Variants in LNX1 observed in about 807,000 individuals in gnomAD.
LNX1 encodes E3 ubiquitin-protein ligase LNX.
Under a neutral mutation model 68.4 loss-of-function variants are expected in LNX1, and 54 were observed. The observed-to-expected ratio is 0.79, with a 90% CI of 0.63 to 0.99. The LOEUF (loss-of-function observed/expected upper bound fraction) is 0.99. Among genes scored for constraint, LNX1 ranks in the 50% least tolerant of loss-of-function variants. The pLI, the probability that LNX1 is intolerant of heterozygous loss-of-function variation, is 0.00. For synonymous variants in LNX1, 336 were observed against 350.0 expected, an observed-to-expected ratio of 0.96 and a Z score of 0.45; for missense variants, 906 against 926.4, an observed-to-expected ratio of 0.98 and a Z score of 0.29.
At chr4:53,463,118 A>G (rs1310759416) in intron 9 of LNX1, among the ~76,000 whole-genome samples, 1 of 152,150 alleles carries the variant, frequency 6.6e-6, no homozygotes, top group Non-Finnish European at 1.5e-5. Context: ...AAATGAGTAT[A>G]CTTTTACTGA....
At chr4:53,616,969 C>A (rs567708336) in intron 1 of LNX1, among the ~76,000 whole-genome samples, 1 of 152,104 alleles carries the variant, frequency 6.6e-6, no homozygotes, top group Non-Finnish European at 1.5e-5. Context: ...AAGCTACAAT[C>A]GTCAAAGCTT....
chr4:53,614,850 G>T (rs1185443010), intron 2 of LNX1, among the ~76,000 whole-genome samples: 1 of 151,956 alleles, frequency 6.6e-6, no homozygotes, highest in African/African-American at 2.4e-5. Context: ...TTCAAAGGAG[G>T]CTCCAGGTGC....
At chr4:53,575,291 C>T (rs1323048634) in intron 1 of LNX1, among the ~76,000 whole-genome samples, 1 of 152,156 alleles carries the variant, frequency 6.6e-6, no homozygotes, top group Non-Finnish European at 1.5e-5. Context: ...CTAGATATTT[C>T]TTTTAAACAG....
intron 6 of LNX1, among the ~76,000 whole-genome samples, chr4:53,495,197 T>C (rs1183678940): frequency 6.6e-6 from 1 of 152,178 alleles, no homozygotes; most frequent in Non-Finnish European, 1.5e-5. Context: ...CAATTACATA[T>C]TAATTGATAA....
rs772997316 is a variant in LNX1, at chr4:53,481,864, A to G, written c.1351-10T>C. On this transcript the variant is annotated splice_polypyrimidine_tract_variant and intron_variant, in intron 6 of 10. Transcript: ENST00000263925. ...CACGTCTTTCACTGGCCTGGGCAAGAAGACACAGGCATTAGCCACTGTCAG... is the reference window on the plus strand; with the variant it reads ...CACGTCTTTCACTGGCCTGGGCAAGGAGACACAGGCATTAGCCACTGTCAG... The G allele has an allele frequency of 1.1e-5, 18 of 1,578,120 alleles. No homozygotes were observed. The Admixed American group carries it at 2.5e-4, about 22-fold the overall frequency.
chr4:53,591,417 A>G lies in LNX1; in HGVS notation c.-116T>C. 2 of 985,784 alleles carry G rather than the reference A, an allele frequency of 2.0e-6. No homozygotes were observed. Among genetic ancestry groups the G allele is most frequent in the Non-Finnish European group, 2.4e-6 (2 of 830,252 alleles). The allele number at this position is 985,784 out of a possible 1,614,324, so 61.1% of individuals were successfully genotyped here. ...TCAAGCGACTGTCTGGGGCTCTCCA[A>G]GCAGCAGCAGGCAGGCAGCTCTCAT... is the stretch of plus-strand genomic sequence containing the variant. On this transcript the variant is annotated 5_prime_UTR_variant, in exon 1 of 11. Transcript: ENST00000263925.
intron 1 of LNX1, among the ~76,000 whole-genome samples, chr4:53,647,306 A>T (rs1023165330): frequency 6.6e-6 from 1 of 152,242 alleles, no homozygotes; most frequent in African/African-American, 2.4e-5. Flanking sequence ...TGAATAATTA[A>T]GCATAATGCA....
Position 53,605,443 on chromosome 4 carries a change from G to A in LNX1, c.-215+11074C>T, listed in dbSNP as rs76150571. On this transcript the variant is annotated intron_variant, in intron 2 of 3. Transcript: ENST00000504299. ...GTGTATGCGTGTATGGGGGTGGGGG[G>A]TAAAGTACCTAAATATGTTCCCAGT... 7.2e-3 allele frequency among the ~76,000 whole-genome samples: 1,090 copies of A among 151,898 alleles called. 8 individuals are homozygous for A. Among genetic ancestry groups the A allele is most frequent in the Middle Eastern group, 0.027 (8 of 294 alleles).
At chr4:53,645,377 C>T (rs1734847441) in intron 1 of LNX1, among the ~76,000 whole-genome samples, 1 of 152,102 alleles carries the variant, frequency 6.6e-6, no homozygotes, top group Non-Finnish European at 1.5e-5. Context: ...CATTGCCTTC[C>T]CTGCTGTGGG....
At chr4:53,642,880 C>T (rs979080757) in intron 1 of LNX1, among the ~76,000 whole-genome samples, 1 of 152,272 alleles carries the variant, frequency 6.6e-6, no homozygotes, top group Admixed American at 6.5e-5. Flanking sequence ...CTCTGAGGAC[C>T]GTTATGGTCG....
chr4:53,463,775 G>A (rs1722397787), intron 9 of LNX1, among the ~76,000 whole-genome samples: 1 of 152,002 alleles, frequency 6.6e-6, no homozygotes, highest in Non-Finnish European at 1.5e-5. Flanking sequence ...ACTGAAATGA[G>A]TTAATAAGTA....
chr4:53,632,092 G>A (rs1734300140), intron 1 of LNX1, among the ~76,000 whole-genome samples: 1 of 152,074 alleles, frequency 6.6e-6, no homozygotes, highest in Non-Finnish European at 1.5e-5. Flanking sequence ...GTCATTGAAG[G>A]GAGCAGAATG....
Position 53,508,145 on chromosome 4 carries a change from G to A in LNX1, c.463C>T (p.Leu155Phe). Residue 155 changes from leucine (L) to phenylalanine (F), a missense_variant, in exon 3 of 11, where the codon CTC (leucine) becomes TTC (phenylalanine). Transcript: ENST00000263925. Reference protein sequence around the residue: ...QDGCPDGCASLTATAPSPEVS... With the variant: ...QDGCPDGCASFTATAPSPEVS... The stretch of plus-strand genomic sequence containing the variant: ...TCTGGGGAGGGAGCCGTGGCTGTGA[G>A]GCTCGCACAGCCGTCTGGACAGCCA... The A allele has an allele frequency of 2.5e-6, 4 of 1,614,138 alleles. No individual in the cohort carries two copies. Among genetic ancestry groups the A allele is most frequent in the Non-Finnish European group, 3.4e-6 (4 of 1,180,022 alleles).
chr4:53,554,402 C>G (rs966680233), intron 2 of LNX1, among the ~76,000 whole-genome samples: 1 of 152,214 alleles, frequency 6.6e-6, no homozygotes, highest in Admixed American at 6.5e-5. Context: ...CCCTCAAGGC[C>G]AAACCAGGCA....
In LNX1 at chr4:53,496,385, T is replaced by C; in HGVS notation, c.988A>G (p.Met330Val). 1 of 1,605,648 alleles carries C rather than the reference T, an allele frequency of 6.2e-7. No homozygotes were observed. The highest frequency in any genetic ancestry group is 2.2e-5 in the East Asian group (1 of 44,690). The stretch of plus-strand genomic sequence containing the variant: ...TTGTGAGGGACATTGCTGATGTCCA[T>C]CCCGTTGACCTGGGGGCAGGTGGAA... ...PGDIILKVNG[M>V]DISNVPHNYA... The change falls in exon 6 of 11, where the codon ATG (methionine) becomes GTG (valine). Residue 330 changes from methionine (M) to valine (V), a missense_variant. Met to Val is a conservative substitution (Grantham distance 21). Coordinates refer to ENST00000263925, the MANE Select transcript of LNX1 (RefSeq NM_001126328.3).
At chr4:53,464,491 G>C (rs950439941) in intron 9 of LNX1, among the ~76,000 whole-genome samples, 2 of 151,986 alleles carry the variant, frequency 1.3e-5, no homozygotes, top group African/African-American at 4.8e-5. Context: ...ACATGAAAAA[G>C]ATGTTTATGG....
At chr4:53,563,557 C>T (rs1177718321) in intron 2 of LNX1, among the ~76,000 whole-genome samples, 1 of 127,718 alleles carries the variant, frequency 7.8e-6, no homozygotes, top group Non-Finnish European at 1.6e-5. Flanking sequence ...TTTTTTGAGA[C>T]AGAGTCTCGC....
chr4:53,482,613 T>C (rs576264266), intron 6 of LNX1, among the ~76,000 whole-genome samples: 5 of 152,150 alleles, frequency 3.3e-5, no homozygotes, highest in Non-Finnish European at 7.3e-5. Context: ...GAATGGAAAA[T>C]CAAATACTGC....
chr4:53,525,704 G>T (rs1288845327), intron 2 of LNX1, among the ~76,000 whole-genome samples: 3 of 152,184 alleles, frequency 2.0e-5, no homozygotes, highest in African/African-American at 7.2e-5. Flanking sequence ...CTGCTTACAG[G>T]CAGCCTCAGT....
Sources: gnomAD v4.1 joint callset for allele counts (sites outside exome capture counted in the v4.1 genomes callset) on GRCh38, gnomAD v4.1.1 for gene constraint, MANE v1.5 for transcripts, NCBI Gene and HGNC (gene_info 2026-07-23, HGNC 2026-07-21) for gene names.